Variants in USP6 observed in about 807,000 individuals in gnomAD.
The protein encoded by USP6 is ubiquitin carboxyl-terminal hydrolase 6.
Under a neutral mutation model 175.7 loss-of-function variants are expected in USP6, and 128 were observed. The observed-to-expected ratio is 0.73, with a 90% CI of 0.63 to 0.84. The LOEUF (loss-of-function observed/expected upper bound fraction) is 0.84, where lower values mean the gene tolerates loss of function less well. USP6 is among the 40% of genes least tolerant of loss of function. The probability of loss-of-function intolerance (pLI) is 0.00; values close to 1 mark genes in which losing one functional copy is unlikely to be tolerated. For missense variants in USP6, 1,498 were observed against 1,760.3 expected, an observed-to-expected ratio of 0.85 and a Z score of 2.67; for synonymous variants, 562 against 630.6, an observed-to-expected ratio of 0.89 and a Z score of 1.63.
chr17:5,159,401 TATTA>T (rs1306213420), intron 31 of USP6, among the ~76,000 whole-genome samples: 7 of 152,192 alleles, frequency 4.6e-5, no homozygotes, highest in African/African-American at 1.7e-4. Context: ...GTTACTGTTG[TATTA>T]ATTGCATTGA....
At chr17:5,120,556 GA>G (rs2143706229) in intron 2 of USP6, 70 bp from the exon 3 acceptor site, 7 of 352,416 alleles carry the variant, frequency 2.0e-5, no homozygotes, top group South Asian at 1.5e-4. Flanking sequence ...CTCTCCGAGG[GA>G]AAGAAGGCAG....
At chr17:5,151,824 C>T (rs565437622) in intron 30 of USP6, among the ~76,000 whole-genome samples, 1 of 152,274 alleles carries the variant, frequency 6.6e-6, no homozygotes, top group East Asian at 1.9e-4. Flanking sequence ...GCCACAATTT[C>T]AGGTGGTCTA....
Position 5,160,286 on chromosome 17 carries a change from T to C in USP6, c.2829-1242T>C, listed in dbSNP as rs1006798245. 9.2e-5 allele frequency among the ~76,000 whole-genome samples: 14 copies of C among 152,174 alleles called. 1 individual carries two copies. Among genetic ancestry groups the C allele is most frequent in the Admixed American group, 5.9e-4 (9 of 15,286 alleles). Reference sequence around the variant, plus strand: ...CCTTACAGTGACTCTTTATCATGGTTTCATTACCTTCAATAGCCCATGTAA... The same window carrying C: ...CCTTACAGTGACTCTTTATCATGGTCTCATTACCTTCAATAGCCCATGTAA... On this transcript the variant is annotated intron_variant, in intron 31 of 37. Transcript: ENST00000574788.
chr17:5,152,695 A>G (rs2073799889), intron 30 of USP6, among the ~76,000 whole-genome samples: 1 of 152,238 alleles, frequency 6.6e-6, no homozygotes, highest in South Asian at 2.1e-4. Flanking sequence ...GATGGAAAGA[A>G]GCCAGACAAA....
intron 26 of USP6, among the ~76,000 whole-genome samples, chr17:5,145,133 C>T (rs2073569878): frequency 1.3e-5 from 2 of 152,088 alleles, no homozygotes; most frequent in Admixed American, 1.3e-4. Context: ...TAAAGAGTCC[C>T]CGTAATTGCT....
intron 25 of USP6, among the ~76,000 whole-genome samples, chr17:5,144,430 G>A (rs1019636221): frequency 2.1e-4 from 32 of 151,852 alleles, no homozygotes; most frequent in African/African-American, 7.5e-4. Context: ...TAACATCTAT[G>A]TGCCTGAAGA....
chr17:5,122,667 G>C (rs2072723692), intron 4 of USP6, among the ~76,000 whole-genome samples: 1 of 152,156 alleles, frequency 6.6e-6, no homozygotes, highest in African/African-American at 2.4e-5. Context: ...ACACAGCTCC[G>C]CCCTTCCCGG....
intron 33 of USP6, among the ~76,000 whole-genome samples, 185 bp downstream of exon 33, chr17:5,163,189 C>G (rs2074038272): frequency 6.6e-6 from 1 of 152,112 alleles, no homozygotes; most frequent in Non-Finnish European, 1.5e-5. Flanking sequence ...TTCTGGAGTT[C>G]ATTGTATTGG....
At chr17:5,165,613 G>GA (rs948823453) in intron 33 of USP6, among the ~76,000 whole-genome samples, 11 of 150,914 alleles carry the variant, frequency 7.3e-5, no homozygotes, top group East Asian at 5.8e-4. Context: ...AAACAAAAAA[G>GA]AAAAAAAAAT....
chr17:5,151,098 C>T (rs2073758404), intron 30 of USP6, among the ~76,000 whole-genome samples: 1 of 152,002 alleles, frequency 6.6e-6, no homozygotes, highest in South Asian at 2.1e-4. Context: ...CATCCTTTTA[C>T]CAAATTAGGT....
At chr17:5,133,864 C>T in intron 14 of USP6, 23 bp from the exon 15 acceptor site, 1 of 1,611,454 alleles carries the variant, frequency 6.2e-7, no homozygotes. Context: ...AGGCTGCTTC[C>T]TCCTCTTGGC....
At position 5,173,887 on chromosome 17, in the gene USP6, T is replaced by G. The variant is rs1408227713; in HGVS notation, c.*909T>G. 1.8e-5 allele frequency: 4 copies of G among 222,614 alleles called. No homozygotes were observed. Among genetic ancestry groups the G allele is most frequent in the African/African-American group, 6.7e-5 (3 of 44,710 alleles). The allele number at this position is 222,614 out of a possible 1,614,324, so 13.8% of individuals were successfully genotyped here. A position where few individuals can be genotyped will look rare whatever the true frequency, so the allele number is the denominator to read the frequency against. On this transcript the variant is annotated 3_prime_UTR_variant, in exon 38 of 38. Coordinates refer to ENST00000574788, the MANE Select transcript of USP6 (RefSeq NM_001304284.2). ...AAGCGGCATCGGAGCTAGATCACGT[T>G]TCACAATTAGTGGTTATTCTTTTCT...
At position 5,155,614 on chromosome 17, in the gene USP6, C is replaced by T; in HGVS notation, c.2828+8C>T. 6.2e-7 allele frequency: 1 copy of T among 1,612,672 alleles called. No homozygotes were observed. ...TATTCATGCCCAGGATCGGTGAGTT[C>T]AGGGGATCCATCTAAACCTGTGGTT... On this transcript the variant is annotated splice_region_variant and intron_variant, in intron 31 of 37. Coordinates refer to ENST00000574788, the MANE Select transcript of USP6 (RefSeq NM_001304284.2).
chr17:5,147,030 T>C, intron 28 of USP6, 53 bp from the exon 29 acceptor site: 1 of 1,526,642 alleles, frequency 6.6e-7, no homozygotes, highest in Non-Finnish European at 9.0e-7. Context: ...GAGAGAACTT[T>C]TCCTTTTTAT....
chr17:5,120,505 A>C lies in USP6; in HGVS notation c.-1836-122A>C, dbSNP rs1182976535. 4 of 333,296 alleles carry C rather than the reference A, an allele frequency of 1.2e-5. No individual in the cohort carries two copies. In the Admixed American group the frequency reaches 1.7e-4, roughly 14 times the overall value. The allele number at this position is 333,296 out of a possible 1,614,324, so 20.6% of individuals were successfully genotyped here. ...CTTCAGGGTGAGGAGCTGTTGGCCT[A>C]TCTGTGTCTGTCTGTCTGTCTGTCT... On this transcript the variant is annotated intron_variant, in intron 2 of 37. Coordinates refer to ENST00000574788, the MANE Select transcript of USP6 (RefSeq NM_001304284.2).
chr17:5,137,581 G>T, intron 19 of USP6, 70 bp from the exon 20 acceptor site: 1 of 1,463,274 alleles, frequency 6.8e-7, no homozygotes, highest in Non-Finnish European at 9.4e-7. Flanking sequence ...TGAAGCCCCA[G>T]TGTGCGCAGC....
intron 33 of USP6, among the ~76,000 whole-genome samples, chr17:5,163,874 A>G (rs1313259901): frequency 1.3e-5 from 2 of 152,184 alleles, no homozygotes; most frequent in African/African-American, 4.8e-5. Flanking sequence ...GCACATCTCA[A>G]TGGCCGCTCT....
chr17:5,149,640 T>C (rs1486505773), intron 30 of USP6, among the ~76,000 whole-genome samples: 1 of 152,122 alleles, frequency 6.6e-6, no homozygotes, highest in African/African-American at 2.4e-5. Flanking sequence ...GGTATGTACA[T>C]CTTCACTGCC....
chr17:5,117,754 G>T (rs2072568067), intron 1 of USP6, among the ~76,000 whole-genome samples: 2 of 152,040 alleles, frequency 1.3e-5, no homozygotes, highest in Non-Finnish European at 2.9e-5. Context: ...TGCGATAATA[G>T]TACAAGCAAG....
Sources: allele counts gnomAD v4.1 joint callset (sites outside exome capture counted in the v4.1 genomes callset), GRCh38; gene constraint gnomAD v4.1.1; transcripts MANE v1.5; gene names NCBI Gene and HGNC (gene_info 2026-07-23, HGNC 2026-07-21).